Variants in MLLT10 observed in about 807,000 individuals in gnomAD.
The protein encoded by MLLT10 is protein AF-10.
Under a neutral mutation model 129.1 loss-of-function variants are expected in MLLT10, and 30 were observed. That is an observed-to-expected ratio of 0.23 (90% CI 0.17 to 0.32). The LOEUF (loss-of-function observed/expected upper bound fraction) is 0.32. Among genes scored for constraint, MLLT10 ranks in the 10% least tolerant of loss-of-function variants. MLLT10 has a pLI of 1.00. For missense variants in MLLT10, 1,119 were observed against 1,268.3 expected, an observed-to-expected ratio of 0.88 and a Z score of 1.79; for synonymous variants, 490 against 446.4, an observed-to-expected ratio of 1.10 and a Z score of -1.23.
chr10:21,540,416 C>T (rs1433509585), intron 3 of MLLT10, among the ~76,000 whole-genome samples: 6 of 150,994 alleles, frequency 4.0e-5, no homozygotes, highest in Non-Finnish European at 7.4e-5. Flanking sequence ...ATTAGTTGGG[C>T]GTGGTGGCTT....
intron 13 of MLLT10, among the ~76,000 whole-genome samples, chr10:21,693,387 C>A (rs940289517): frequency 6.7e-6 from 1 of 149,188 alleles, no homozygotes; most frequent in Non-Finnish European, 1.5e-5. Flanking sequence ...AAAAAAAAAA[C>A]CTTATTTTAG....
At chr10:21,713,655 C>A in intron 13 of MLLT10, 117 bp from the exon 14 acceptor site, 1 of 851,122 alleles carries the variant, frequency 1.2e-6, no homozygotes, top group Non-Finnish European at 1.8e-6. Context: ...TAAACAGCAA[C>A]AATAAGATTT....
At chr10:21,674,015 A>G (rs552785642) in intron 11 of MLLT10, 96 bp downstream of exon 11, 32 of 882,114 alleles carry the variant, frequency 3.6e-5, no homozygotes, top group Non-Finnish European at 4.8e-5. Flanking sequence ...ATAATACTTG[A>G]AATTAATAAA....
intron 5 of MLLT10, among the ~76,000 whole-genome samples, chr10:21,596,449 C>A (rs1156609605): frequency 6.6e-6 from 1 of 152,022 alleles, no homozygotes; most frequent in Non-Finnish European, 1.5e-5. Context: ...TGGTGTCTGG[C>A]ATTTAGTATA....
intron 8 of MLLT10, among the ~76,000 whole-genome samples, chr10:21,646,734 C>T (rs545615036): frequency 4.2e-4 from 64 of 152,186 alleles, no homozygotes; most frequent in South Asian, 3.3e-3. Context: ...GAAGATAATA[C>T]TTGTAAGTTC....
At chr10:21,594,696 C>T (rs945507239) in intron 4 of MLLT10, among the ~76,000 whole-genome samples, 1 of 150,548 alleles carries the variant, frequency 6.6e-6, no homozygotes, top group Non-Finnish European at 1.5e-5. Flanking sequence ...AAACTCCTCA[C>T]TATCATATCA....
At chr10:21,630,566 A>G (rs1034014045) in intron 8 of MLLT10, among the ~76,000 whole-genome samples, 4 of 152,322 alleles carry the variant, frequency 2.6e-5, no homozygotes, top group African/African-American at 9.6e-5. Context: ...CAGAGGCACT[A>G]TCATTCAAAT....
intron 3 of MLLT10, chr10:21,564,429 C>T (rs2039278164): frequency 2.0e-5 from 3 of 151,662 alleles, no homozygotes; most frequent in Admixed American, 2.0e-4. Context: ...ATGATGTTGA[C>T]CATCTTTTCA....
At chr10:21,568,886 G>A (rs1240416202) in intron 3 of MLLT10, among the ~76,000 whole-genome samples, 1 of 152,116 alleles carries the variant, frequency 6.6e-6, no homozygotes, top group Non-Finnish European at 1.5e-5. Context: ...CACCTGCCTC[G>A]ACCTCCCAAA....
chr10:21,535,677 G>A (rs1220766526), intron 2 of MLLT10, among the ~76,000 whole-genome samples: 26 of 152,194 alleles, frequency 1.7e-4, no homozygotes, highest in Admixed American at 1.6e-3. Context: ...AGGAATCCAG[G>A]ACAAAACAGT....
At chr10:21,554,539 C>T (rs998323577) in intron 3 of MLLT10, among the ~76,000 whole-genome samples, 13 of 151,484 alleles carry the variant, frequency 8.6e-5, no homozygotes, top group Admixed American at 4.0e-4. Context: ...CTGCAACCTC[C>T]GCCTTCCGGG....
At position 21,586,273 on chromosome 10, in the gene MLLT10, TTTC is replaced by T. The variant is rs1008811039; in HGVS notation, c.241-18_241-16del. 5.2e-6 allele frequency: 8 copies of T among 1,531,120 alleles called. No homozygotes were observed. In the African/African-American group the frequency reaches 8.3e-5, roughly 16 times the overall value. The allele number at this position is 1,531,120 out of a possible 1,614,324, so 94.8% of individuals were successfully genotyped here. A position where few individuals can be genotyped will look rare whatever the true frequency, so the allele number is the denominator to read the frequency against. ...GATAATCTGAAATATTCATTACCTG[TTTC>T]TTTTTTTTTTTTTATAGAGATGTGA... On this transcript the variant is annotated intron_variant, in intron 3 of 22. Transcript: ENST00000307729.
At chr10:21,605,443 T>C (rs2043966493) in intron 5 of MLLT10, among the ~76,000 whole-genome samples, 1 of 152,178 alleles carries the variant, frequency 6.6e-6, no homozygotes, top group African/African-American at 2.4e-5. Flanking sequence ...TTCATTGTTA[T>C]TTTATTTTAT....
chr10:21,694,447 C>A (rs2054169556), intron 13 of MLLT10, among the ~76,000 whole-genome samples: 1 of 152,116 alleles, frequency 6.6e-6, no homozygotes. Flanking sequence ...GTTTTCTTTC[C>A]CCCTTTACAA....
chr10:21,636,631 G>C (rs2047491389), intron 8 of MLLT10, among the ~76,000 whole-genome samples: 1 of 151,336 alleles, frequency 6.6e-6, no homozygotes, highest in African/African-American at 2.4e-5. Context: ...CTGGAGTGCA[G>C]TGGTGCGATC....
intron 3 of MLLT10, among the ~76,000 whole-genome samples, chr10:21,566,323 T>G (rs1250529167): frequency 6.7e-6 from 1 of 149,146 alleles, no homozygotes; most frequent in African/African-American, 2.5e-5. Flanking sequence ...GTTGTCAGAC[T>G]CCCCCCCACC....
At position 21,538,824 on chromosome 10, in the gene MLLT10, T is replaced by C. The variant is rs965399374; in HGVS notation, c.161-9T>C. On this transcript the variant is annotated splice_polypyrimidine_tract_variant and intron_variant, in intron 2 of 22. Coordinates refer to ENST00000307729, the MANE Select transcript of MLLT10 (RefSeq NM_001195626.3). ...TCTTAACATTTTAACACATTTCATT[T>C]TTCAACAGCTTGCTATGGCATTGTT... is the stretch of plus-strand genomic sequence containing the variant. 3.7e-6 allele frequency: 6 copies of C among 1,604,326 alleles called. No individual in the cohort carries two copies. The Admixed American group carries it at 8.5e-5, about 23-fold the overall frequency.
intron 4 of MLLT10, among the ~76,000 whole-genome samples, chr10:21,591,117 G>C (rs2042447900): frequency 6.6e-6 from 1 of 152,178 alleles, no homozygotes; most frequent in Admixed American, 6.5e-5. Context: ...GAGGGCAGTG[G>C]TGTGATCTTG....
intron 4 of MLLT10, among the ~76,000 whole-genome samples, chr10:21,588,552 T>C (rs1258612943): frequency 6.6e-6 from 1 of 152,074 alleles, no homozygotes; most frequent in African/African-American, 2.4e-5. Context: ...GGTGGAAACA[T>C]TGAGTCAAAG....
Sources: gnomAD v4.1 joint callset for allele counts (sites outside exome capture counted in the v4.1 genomes callset) on GRCh38, gnomAD v4.1.1 for gene constraint, MANE v1.5 for transcripts, NCBI Gene and HGNC (gene_info 2026-07-23, HGNC 2026-07-21) for gene names.